CRB1: variants seen among roughly 807,000 people sequenced by gnomAD.
CRB1 encodes the protein protein crumbs homolog 1.
A neutral mutation model predicts 120.0 loss-of-function variants in CRB1; 83 were observed. The ratio of observed to expected loss-of-function variants is 0.69; its 90% CI spans 0.58 to 0.83. The LOEUF is 0.83. Among genes scored for constraint, CRB1 ranks in the 40% least tolerant of loss-of-function variants. The pLI, the probability that CRB1 is intolerant of heterozygous loss-of-function variation, is 0.00. For missense variants in CRB1, 1,699 were observed against 1,687.6 expected (o/e 1.01, Z -0.12); for synonymous variants, 625 against 612.5 (o/e 1.02, Z -0.30).
chr1:197,450,764 C>T (rs1477469211), intron 11 of CRB1, among the ~76,000 whole-genome samples: 1 of 132,792 alleles, frequency 7.5e-6, no homozygotes. Flanking sequence ...CATGGTGAAA[C>T]CCCGTCTCTA....
chr1:197,372,366 CAG>C (rs1488466066), intron 5 of CRB1, among the ~76,000 whole-genome samples: 1 of 152,160 alleles, frequency 6.6e-6, no homozygotes, highest in African/African-American at 2.4e-5. Flanking sequence ...CCAATAATGA[CAG>C]GGGCAATAAA....
chr1:197,477,955 C>A lies in CRB1; in HGVS notation c.*76C>A. On this transcript the variant is annotated 3_prime_UTR_variant, in exon 12 of 12. Coordinates refer to ENST00000367400, the MANE Select transcript of CRB1 (RefSeq NM_201253.3). ...CTGTACTTCAGGTATCTCTGACATACCTGACAATGTTAATCTGCAACTGGG... is the reference window on the plus strand; with the variant it reads ...CTGTACTTCAGGTATCTCTGACATAACTGACAATGTTAATCTGCAACTGGG... 1.4e-6 allele frequency: 2 copies of A among 1,391,496 alleles called. No individual in the cohort carries two copies. The highest frequency in any genetic ancestry group is 2.0e-6 in the Non-Finnish European group (2 of 978,490). The allele number at this position is 1,391,496 out of a possible 1,614,324, so 86.2% of individuals were successfully genotyped here. A position where few individuals can be genotyped will look rare whatever the true frequency, so the allele number is the denominator to read the frequency against.
chr1:197,219,129 A>C, the CRB1 span, among the ~76,000 whole-genome samples: 1 of 152,250 alleles, frequency 6.6e-6, no homozygotes, highest in African/African-American at 2.4e-5. Flanking sequence ...ATAAGACATG[A>C]GTATGACAAA....
chr1:197,383,551 C>T (rs921615556), intron 5 of CRB1, among the ~76,000 whole-genome samples: 4 of 152,294 alleles, frequency 2.6e-5, no homozygotes, highest in African/African-American at 9.6e-5. Flanking sequence ...TATACAAAGA[C>T]CCTTTTCAGA....
chr1:197,374,193 A>G (rs1014440392), intron 5 of CRB1, among the ~76,000 whole-genome samples: 1 of 152,182 alleles, frequency 6.6e-6, no homozygotes, highest in Non-Finnish European at 1.5e-5. Flanking sequence ...ATCTAGATAG[A>G]TGCTGGGTAA....
the CRB1 span, among the ~76,000 whole-genome samples, chr1:197,241,792 C>T: frequency 6.6e-6 from 1 of 151,888 alleles, no homozygotes; most frequent in Non-Finnish European, 1.5e-5. Flanking sequence ...ACAGTATGGC[C>T]ATTTTCACAG....
the CRB1 span, among the ~76,000 whole-genome samples, chr1:197,230,618 G>A: frequency 3.4e-4 from 51 of 152,048 alleles, 1 homozygote; most frequent in Non-Finnish European, 6.0e-4. Context: ...GCTCTTGCAG[G>A]TAAATAAAAT....
At chr1:197,280,147 A>G (rs1655440375) in intron 1 of CRB1, among the ~76,000 whole-genome samples, 1 of 151,876 alleles carries the variant, frequency 6.6e-6, no homozygotes, top group Admixed American at 6.6e-5. Context: ...GTCACCATTC[A>G]TAAGACCATG....
chr1:197,411,269 A>G (rs1465957745), intron 5 of CRB1, among the ~76,000 whole-genome samples: 2 of 152,210 alleles, frequency 1.3e-5, no homozygotes, highest in Non-Finnish European at 2.9e-5. Context: ...AGATACTATC[A>G]TCGGTCATGA....
chr1:197,257,835 C>T, the CRB1 span, among the ~76,000 whole-genome samples: 1 of 152,200 alleles, frequency 6.6e-6, no homozygotes, highest in Non-Finnish European at 1.5e-5. Context: ...TGAAAGCTCT[C>T]ACTCTTGAAG....
At chr1:197,346,212 C>A (rs1281654219) in intron 3 of CRB1, among the ~76,000 whole-genome samples, 1 of 150,886 alleles carries the variant, frequency 6.6e-6, no homozygotes, top group Non-Finnish European at 1.5e-5. Context: ...GTCATAAGAT[C>A]AATCCAATAT....
At chr1:197,472,309 A>G (rs2125564734) in intron 11 of CRB1, among the ~76,000 whole-genome samples, 1 of 152,322 alleles carries the variant, frequency 6.6e-6, no homozygotes. Flanking sequence ...GGTGTTTTCC[A>G]GGAGCCAGTT....
chr1:197,264,045 G>A (rs1247346912), upstream of CRB1, among the ~76,000 whole-genome samples: 1 of 152,114 alleles, frequency 6.6e-6, no homozygotes, highest in Non-Finnish European at 1.5e-5. Flanking sequence ...TTGCAGAGTA[G>A]TGAAGTTTAG....
At chr1:197,388,955 T>C (rs1380632808) in intron 5 of CRB1, among the ~76,000 whole-genome samples, 1 of 152,126 alleles carries the variant, frequency 6.6e-6, no homozygotes, top group Admixed American at 6.6e-5. Context: ...CATGAAAAGA[T>C]GCTGAACATG....
intron 5 of CRB1, among the ~76,000 whole-genome samples, chr1:197,392,806 C>T (rs965575239): frequency 2.0e-5 from 3 of 152,040 alleles, no homozygotes. Context: ...GGGAAGCTGT[C>T]CTTGCAAAGG....
chr1:197,251,832 G>A, the CRB1 span, among the ~76,000 whole-genome samples: 2 of 151,990 alleles, frequency 1.3e-5, no homozygotes, highest in East Asian at 1.9e-4. Flanking sequence ...ACTTGGTAAT[G>A]TGGTGTTAAG....
chr1:197,221,518 G>A, the CRB1 span, among the ~76,000 whole-genome samples: 1 of 152,116 alleles, frequency 6.6e-6, no homozygotes, highest in Non-Finnish European at 1.5e-5. Context: ...AATTTTACTA[G>A]CAGTCATAAA....
intron 5 of CRB1, among the ~76,000 whole-genome samples, chr1:197,381,391 T>G (rs1661949086): frequency 6.6e-6 from 1 of 152,206 alleles, no homozygotes; most frequent in East Asian, 1.9e-4. Context: ...CAAATTATAA[T>G]AAACATGCAG....
At chr1:197,278,799 A>T (rs1443565249) in intron 1 of CRB1, among the ~76,000 whole-genome samples, 2 of 151,938 alleles carry the variant, frequency 1.3e-5, no homozygotes, top group Non-Finnish European at 2.9e-5. Context: ...GACTTGACAA[A>T]ACTATTATTT....
Sources: allele counts gnomAD v4.1 joint callset (sites outside exome capture counted in the v4.1 genomes callset), GRCh38; gene constraint gnomAD v4.1.1; transcripts MANE v1.5; gene names NCBI Gene and HGNC (gene_info 2026-07-23, HGNC 2026-07-21).